The following SYT15B variants were observed in gnomAD, a reference collection of about 807,000 sequenced individuals.
The protein encoded by SYT15B is synaptotagmin-15.
the SYT15B span, among the ~76,000 whole-genome samples, chr10:47,749,616 C>T: frequency 7.3e-5 from 11 of 150,504 alleles, no homozygotes; most frequent in Admixed American, 5.3e-4. Flanking sequence ...AAGTTGTAAT[C>T]TGTGGAGGAA....
chr10:47,747,347 T>C, the SYT15B span, among the ~76,000 whole-genome samples: 2 of 150,342 alleles, frequency 1.3e-5, no homozygotes, highest in East Asian at 2.0e-4. Context: ...AGTTAAGCTA[T>C]GCAGAAAGGC....
At chr10:47,755,410 C>G in the SYT15B span, among the ~76,000 whole-genome samples, 1 of 152,222 alleles carries the variant, frequency 6.6e-6, no homozygotes, top group Non-Finnish European at 1.5e-5. Flanking sequence ...CGCCAGCCAC[C>G]ACACCCAGCT....
At chr10:47,748,143 T>C in the SYT15B span, among the ~76,000 whole-genome samples, 2 of 151,708 alleles carry the variant, frequency 1.3e-5, no homozygotes, top group East Asian at 1.9e-4. Flanking sequence ...CCAAAACTGA[T>C]AAAGCTTTAT....
chr10:47,762,804 G>C, the SYT15B span: 17 of 1,322,832 alleles, frequency 1.3e-5, no homozygotes, highest in Non-Finnish European at 1.5e-5. Context: ...GCACGGCAGG[G>C]GCAGGGACCC....
At chr10:47,761,103 CA>C in the SYT15B span, among the ~76,000 whole-genome samples, 1 of 2,144 alleles carries the variant, frequency 4.7e-4, no homozygotes, top group Non-Finnish European at 8.3e-3. Context: ...CACACACACG[CA>C]CACACACACA....
the SYT15B span, chr10:47,750,896 TAA>T: frequency 1.3e-5 from 2 of 151,632 alleles, no homozygotes; most frequent in African/African-American, 4.9e-5. Flanking sequence ...ACAAGAATGT[TAA>T]GTTTGGTTTG....
the SYT15B span, among the ~76,000 whole-genome samples, chr10:47,748,028 C>A: frequency 6.6e-6 from 1 of 152,172 alleles, no homozygotes; most frequent in Non-Finnish European, 1.5e-5. Flanking sequence ...ACATAAGATA[C>A]TTGTGGGAAG....
chr10:47,747,223 G>C, the SYT15B span, among the ~76,000 whole-genome samples: 3 of 152,178 alleles, frequency 2.0e-5, no homozygotes, highest in South Asian at 6.2e-4. Flanking sequence ...TCTTCAGCTG[G>C]AGAGACAAGA....
chr10:47,756,768 C>T, the SYT15B span, among the ~76,000 whole-genome samples: 14 of 150,686 alleles, frequency 9.3e-5, no homozygotes, highest in African/African-American at 2.7e-4. Context: ...TCCCCTTCTG[C>T]AGCTCCTGTA....
At chr10:47,747,164 G>A in the SYT15B span, among the ~76,000 whole-genome samples, 3 of 151,360 alleles carry the variant, frequency 2.0e-5, no homozygotes, top group Admixed American at 6.6e-5. Context: ...CTAAGAGGCC[G>A]AGCATTTGGG....
At chr10:47,751,387 C>T in the SYT15B span, 1 of 89,266 alleles carries the variant, frequency 1.1e-5, no homozygotes, top group African/African-American at 4.3e-5. Flanking sequence ...TTTATCTTGT[C>T]CAATTGCTCA....
At chr10:47,746,653 G>A in the SYT15B span, among the ~76,000 whole-genome samples, 7 of 136,438 alleles carry the variant, frequency 5.1e-5, no homozygotes, top group African/African-American at 1.9e-4. Flanking sequence ...ACTCCAGCCT[G>A]GGCAACAAGA....
chr10:47,762,003 C>T, the SYT15B span, among the ~76,000 whole-genome samples: 2 of 136,398 alleles, frequency 1.5e-5, no homozygotes, highest in Admixed American at 7.4e-5. Context: ...ATCCCCTGGG[C>T]TCCTGTTGAG....
chr10:47,761,046 G>A, the SYT15B span: 10 of 608,224 alleles, frequency 1.6e-5, no homozygotes, highest in South Asian at 1.6e-4. Context: ...CGGGAGCCAG[G>A]AGGAGGCCAG....
chr10:47,746,267 G>A, the SYT15B span, among the ~76,000 whole-genome samples: 88 of 66,460 alleles, frequency 1.3e-3, no homozygotes, highest in East Asian at 3.7e-3. Context: ...GAGGCAGGCG[G>A]ATTACCTGAG....
chr10:47,745,216 C>T, the SYT15B span, among the ~76,000 whole-genome samples: 173 of 148,258 alleles, frequency 1.2e-3, no homozygotes, highest in African/African-American at 4.1e-3. Flanking sequence ...TTGAGTACTT[C>T]GAGGTCCCCT....
the SYT15B span, chr10:47,760,988 G>A: frequency 8.1e-5 from 122 of 1,499,122 alleles, 3 homozygotes; most frequent in African/African-American, 1.0e-3. Context: ...GTCTCAGAGC[G>A]CTCAGCCAGG....
At chr10:47,750,940 C>A in the SYT15B span, 1 of 149,872 alleles carries the variant, frequency 6.7e-6, no homozygotes, top group African/African-American at 2.5e-5. Flanking sequence ...TAAGTCATCA[C>A]ATCCAAAGAA....
chr10:47,763,212 T>G, the SYT15B span: 1 of 987,864 alleles, frequency 1.0e-6, no homozygotes, highest in Non-Finnish European at 1.2e-6. Context: ...GCCCCAGCGC[T>G]GCCTGCCTGA....
Sources: allele counts gnomAD v4.1 joint callset (sites outside exome capture counted in the v4.1 genomes callset), GRCh38; gene constraint gnomAD v4.1.1; transcripts MANE v1.5; gene names NCBI Gene and HGNC (gene_info 2026-07-23, HGNC 2026-07-21).